The following CCM2 variants were observed in gnomAD, a reference collection of about 807,000 sequenced individuals.
CCM2 encodes CCM2 scaffold protein.
In CCM2, 25 loss-of-function variants were observed where a neutral mutation model predicts 44.9. The ratio of observed to expected loss-of-function variants is 0.56; its 90% CI spans 0.41 to 0.78. The LOEUF (loss-of-function observed/expected upper bound fraction) is 0.78, where lower values mean the gene tolerates loss of function less well. CCM2 is among the 30% of genes least tolerant of loss of function. CCM2 has a pLI of 0.00. For missense variants in CCM2, 481 were observed against 580.6 expected (o/e 0.83, Z 1.76); for synonymous variants, 219 against 241.1 (o/e 0.91, Z 0.85).
intron 1 of CCM2, among the ~76,000 whole-genome samples, chr7:45,019,496 CA>C (rs1196584929): frequency 6.6e-6 from 1 of 152,094 alleles, no homozygotes; most frequent in African/African-American, 2.4e-5. Flanking sequence ...TGGATAGTCT[CA>C]AGTGTTTAAG....
At chr7:45,047,733 C>T (rs1170038976) in intron 2 of CCM2, among the ~76,000 whole-genome samples, 1 of 152,118 alleles carries the variant, frequency 6.6e-6, no homozygotes, top group Non-Finnish European at 1.5e-5. Flanking sequence ...CTATAAAGGG[C>T]AACAGGAGGG....
intron 9 of CCM2, 99 bp downstream of exon 9, chr7:45,074,507 A>G: frequency 1.1e-6 from 1 of 952,114 alleles, no homozygotes; most frequent in Non-Finnish European, 1.7e-6. Flanking sequence ...TGGGTGCAGC[A>G]GGGGCTCCAT....
intron 6 of CCM2, 104 bp downstream of exon 6, chr7:45,070,065 G>A (rs1798987632): frequency 1.4e-6 from 2 of 1,434,280 alleles, no homozygotes; most frequent in Admixed American, 3.5e-5. Flanking sequence ...CGCAGTTACT[G>A]CCGTGACATG....
intron 1 of CCM2, among the ~76,000 whole-genome samples, chr7:45,013,659 T>C (rs1419061736): frequency 6.6e-6 from 1 of 152,242 alleles, no homozygotes; most frequent in Non-Finnish European, 1.5e-5. Context: ...ACTTTCTTTA[T>C]ATAGCTCTAG....
intron 3 of CCM2, 132 bp from the exon 4 acceptor site, chr7:45,064,331 G>C: frequency 1.1e-6 from 1 of 885,368 alleles, no homozygotes; most frequent in Non-Finnish European, 1.8e-6. Flanking sequence ...GTTCTGAGGG[G>C]AATAACACTG....
At position 45,063,944 on chromosome 7, in the gene CCM2, A is replaced by C; in HGVS notation, c.231A>C (p.Pro77=). Residue 77 remains proline (P), a synonymous_variant, in exon 3 of 10, where the codon CCA becomes CCC. Transcript: ENST00000258781. Reference sequence around the variant, plus strand: ...ATTTAGGTCAGTTAACGTCCATACCAGGATACCTGAATCCCTCCAGTAGGA... The same window carrying C: ...ATTTAGGTCAGTTAACGTCCATACCCGGATACCTGAATCCCTCCAGTAGGA... ...VKYLGQLTSI[P]GYLNPSSRTE... 6.2e-7 allele frequency: 1 copy of C among 1,613,216 alleles called. No individual in the cohort carries two copies. The highest frequency in any genetic ancestry group is 1.7e-5 in the Admixed American group (1 of 60,006).
chr7:45,051,748 A>G (rs1798019461), intron 2 of CCM2, among the ~76,000 whole-genome samples: 1 of 152,174 alleles, frequency 6.6e-6, no homozygotes, highest in Non-Finnish European at 1.5e-5. Flanking sequence ...TTTTTAGTAG[A>G]GACGGGGTTT....
Position 45,010,936 on chromosome 7 carries a change from G to A in CCM2, c.30+10573G>A, listed in dbSNP as rs140724128. On this transcript the variant is annotated intron_variant, in intron 1 of 9. Transcript: ENST00000258781. Reference sequence around the variant, plus strand: ...ATGTGAACATGTTTTCATTTATTTTGGGTAAATACCTAATAATGGAATTGC... The same window carrying A: ...ATGTGAACATGTTTTCATTTATTTTAGGTAAATACCTAATAATGGAATTGC... Among the ~76,000 whole-genome samples, 1,309 of 152,166 alleles carry A rather than the reference G, an allele frequency of 8.6e-3. 8 individuals are homozygous for A. The highest frequency in any genetic ancestry group is 0.013 in the Non-Finnish European group (878 of 68,020).
intron 2 of CCM2, among the ~76,000 whole-genome samples, chr7:45,048,470 T>C (rs1214132837): frequency 6.6e-6 from 1 of 152,246 alleles, no homozygotes; most frequent in African/African-American, 2.4e-5. Context: ...ATTTTAAATA[T>C]ATTTTTCTCA....
At chr7:45,066,105 G>C (rs1798760045) in intron 4 of CCM2, among the ~76,000 whole-genome samples, 4 of 152,040 alleles carry the variant, frequency 2.6e-5, no homozygotes, top group Non-Finnish European at 5.9e-5. Flanking sequence ...TTTTTTAATG[G>C]AGAGAGAATG....
chr7:45,006,478 G>A (rs1053210282), intron 1 of CCM2, among the ~76,000 whole-genome samples: 2 of 152,090 alleles, frequency 1.3e-5, no homozygotes, highest in Non-Finnish European at 2.9e-5. Context: ...TGAGTAGCTA[G>A]GACTACAGGT....
intron 2 of CCM2, among the ~76,000 whole-genome samples, chr7:45,054,960 C>A (rs2128742514): frequency 6.6e-6 from 1 of 152,270 alleles, no homozygotes; most frequent in South Asian, 2.1e-4. Context: ...TGTACTTTTT[C>A]TTTATTGACA....
At chr7:45,019,059 CTTTTTTTTTTTTTT>C (rs34045609) in intron 1 of CCM2, among the ~76,000 whole-genome samples, 2 of 93,310 alleles carry the variant, frequency 2.1e-5, no homozygotes, top group Non-Finnish European at 4.0e-5. Flanking sequence ...TGCGCCTGGC[CTTTTTTTTTTTTTT>C]TTTTTTTTGA....
intron 2 of CCM2, among the ~76,000 whole-genome samples, chr7:45,054,217 C>A (rs1798143604): frequency 6.6e-6 from 1 of 152,016 alleles, no homozygotes; most frequent in Non-Finnish European, 1.5e-5. Flanking sequence ...CATGAGATTC[C>A]CATTTCATTT....
chr7:45,054,750 C>T (rs962188922), intron 2 of CCM2, among the ~76,000 whole-genome samples: 3 of 152,164 alleles, frequency 2.0e-5, no homozygotes, highest in African/African-American at 7.2e-5. Context: ...CACCGTGGTC[C>T]TCTCTCTTGT....
intron 2 of CCM2, among the ~76,000 whole-genome samples, chr7:45,060,986 A>T (rs1014034834): frequency 6.6e-6 from 1 of 152,158 alleles, no homozygotes; most frequent in African/African-American, 2.4e-5. Flanking sequence ...AGTGTGAGGT[A>T]CGTTTGGCTG....
intron 1 of CCM2, among the ~76,000 whole-genome samples, chr7:45,028,698 C>T (rs979454090): frequency 1.3e-5 from 2 of 151,624 alleles, no homozygotes; most frequent in African/African-American, 2.4e-5. Flanking sequence ...TCCTGAGATG[C>T]GGGTGCACAC....
chr7:45,024,939 T>C (rs1256538035), intron 1 of CCM2, among the ~76,000 whole-genome samples: 6 of 152,240 alleles, frequency 3.9e-5, no homozygotes, highest in Non-Finnish European at 4.4e-5. Flanking sequence ...TCTTCTGATA[T>C]TTGTGTCCCT....
intron 1 of CCM2, among the ~76,000 whole-genome samples, chr7:45,008,867 C>T (rs1425021302): frequency 1.3e-5 from 2 of 152,192 alleles, no homozygotes; most frequent in African/African-American, 4.8e-5. Flanking sequence ...CCTGCCTGTG[C>T]ACTTCTAATA....
Sources: gnomAD v4.1 joint callset for allele counts (sites outside exome capture counted in the v4.1 genomes callset) on GRCh38, gnomAD v4.1.1 for gene constraint, MANE v1.5 for transcripts, NCBI Gene and HGNC (gene_info 2026-07-23, HGNC 2026-07-21) for gene names.